Variants in RFLNA observed in about 807,000 individuals in gnomAD.
RFLNA encodes refilin-A.
A neutral mutation model predicts 7.8 loss-of-function variants in RFLNA; 5 were observed. The observed-to-expected ratio is 0.64, with a 90% CI of 0.34 to 1.35. The LOEUF (loss-of-function observed/expected upper bound fraction) is 1.35. Ranked by LOEUF, RFLNA falls within the 40% of genes most tolerant of loss-of-function variation. RFLNA has a pLI of 0.04. For synonymous variants in RFLNA, 141 were observed against 131.3 expected, an observed-to-expected ratio of 1.07 and a Z score of -0.50; for missense variants, 278 against 305.5, an observed-to-expected ratio of 0.91 and a Z score of 0.67.
chr12:124,294,236 A>G (rs1277464029), upstream of RFLNA, among the ~76,000 whole-genome samples: 1 of 152,174 alleles, frequency 6.6e-6, no homozygotes, highest in Admixed American at 6.5e-5. Flanking sequence ...GTGTCTGGGC[A>G]CACTTTCACC....
rs1204388364 is a variant in RFLNA at position 124,306,257 on chromosome 12, G to A, written c.208-5561G>A. Among the ~76,000 whole-genome samples, 1 of 152,178 alleles carries A rather than the reference G, an allele frequency of 6.6e-6. No homozygotes were observed. On this transcript the variant is annotated intron_variant, in intron 1 of 2. Transcript: ENST00000546355. The surrounding 1 kb of genome is among the most constrained non-coding windows in gnomAD (Gnocchi z 5.2). Reference sequence around the variant, plus strand: ...GTGACAGACACGCAAAGGGGTTATCGCGATGAAGGCCAGTAGATGGGTGCT... The same window carrying A: ...GTGACAGACACGCAAAGGGGTTATCACGATGAAGGCCAGTAGATGGGTGCT...
Position 124,295,525 on chromosome 12 carries a change from C to G in RFLNA, c.96C>G (p.Pro32=). 1 of 1,261,408 alleles carries G rather than the reference C, an allele frequency of 7.9e-7. No homozygotes were observed. The highest frequency in any genetic ancestry group is 1.0e-6 in the Non-Finnish European group (1 of 1,004,624). The allele number at this position is 1,261,408 out of a possible 1,614,324, so 78.1% of individuals were successfully genotyped here. A position where few individuals can be genotyped will look rare whatever the true frequency, so the allele number is the denominator to read the frequency against. ...ACAGCCCCGACTCCGGGCTGCCCCC[C>G]AGCCCCAGCCCCAGCCCGCCCTTCT... ...LLDSPDSGLP[P]SPSPSPPFYS... Residue 32 remains proline, a synonymous_variant, in exon 1 of 3, where the codon CCC becomes CCG. Transcript: ENST00000546355.
At chr12:124,302,146 C>A (rs1485871723) in intron 1 of RFLNA, among the ~76,000 whole-genome samples, 1 of 152,186 alleles carries the variant, frequency 6.6e-6, no homozygotes, top group Non-Finnish European at 1.5e-5. Flanking sequence ...TCTAATCTGA[C>A]CTCATCTTAA....
At chr12:124,301,420 A>G (rs1406886854) in intron 1 of RFLNA, among the ~76,000 whole-genome samples, 1 of 152,220 alleles carries the variant, frequency 6.6e-6, no homozygotes, top group Non-Finnish European at 1.5e-5. Flanking sequence ...ATGCTGCCAG[A>G]CAGACTGGGG....
At chr12:124,308,481 C>T (rs1299813181) in intron 1 of RFLNA, among the ~76,000 whole-genome samples, 1 of 152,248 alleles carries the variant, frequency 6.6e-6, no homozygotes, top group Non-Finnish European at 1.5e-5. Flanking sequence ...GGAAAGCCAC[C>T]TCTGGCCGTG....
At chr12:124,304,944 C>T (rs1012572138) in intron 1 of RFLNA, among the ~76,000 whole-genome samples, 1 of 152,198 alleles carries the variant, frequency 6.6e-6, no homozygotes, top group African/African-American at 2.4e-5. Flanking sequence ...AACACCTGCA[C>T]GCACTTGGGA....
chr12:124,307,444 G>C (rs1308690804), intron 1 of RFLNA, among the ~76,000 whole-genome samples: 4 of 152,226 alleles, frequency 2.6e-5, no homozygotes, highest in Non-Finnish European at 5.9e-5. Flanking sequence ...TGCTGAGGCA[G>C]TCACACTCCT....
intron 1 of RFLNA, among the ~76,000 whole-genome samples, chr12:124,310,711 T>C (rs905763503): frequency 1.3e-5 from 2 of 152,098 alleles, no homozygotes; most frequent in South Asian, 4.1e-4. Flanking sequence ...AGTGGAATTT[T>C]GGGACAGACT....
rs1283655756 is a variant in RFLNA, at chr12:124,315,646, TGGGGGAGCC to T, written c.*1122_*1130del. On this transcript the variant is annotated 3_prime_UTR_variant, in exon 3 of 3. Transcript: ENST00000546355. Reference sequence around the variant, plus strand: ...GAACAAGCCAGGATGCACGGGGAGCTGGGGGAGCCCCCAGCCTGGGGCAGCCCAGCAGGC... The same window carrying T: ...GAACAAGCCAGGATGCACGGGGAGCTCCCAGCCTGGGGCAGCCCAGCAGGC... The T allele has an allele frequency of 6.6e-6, 1 of 152,230 alleles. No homozygotes were observed. The highest frequency in any genetic ancestry group is 1.5e-5 in the Non-Finnish European group (1 of 68,090). The allele number at this position is 152,230 out of a possible 1,614,324, so 9.4% of individuals were successfully genotyped here.
chr12:124,312,223 G>A (rs900859931), intron 2 of RFLNA, among the ~76,000 whole-genome samples: 1 of 151,934 alleles, frequency 6.6e-6, no homozygotes, highest in African/African-American at 2.4e-5. Context: ...TCCTCCAAAA[G>A]GCTTTTATTT....
intron 1 of RFLNA, among the ~76,000 whole-genome samples, chr12:124,298,505 A>G (rs947533658): frequency 6.6e-6 from 1 of 152,012 alleles, no homozygotes; most frequent in Admixed American, 6.6e-5. Context: ...ATTCCCGATC[A>G]CTCCCAGGCC....
upstream of RFLNA, among the ~76,000 whole-genome samples, chr12:124,290,333 T>C (rs2033800786): frequency 6.6e-6 from 1 of 152,112 alleles, no homozygotes; most frequent in Non-Finnish European, 1.5e-5. The surrounding 1 kb of genome is among the most constrained non-coding windows in gnomAD (Gnocchi z 4.0). Context: ...TATGTGCATT[T>C]GCATATGTGT....
chr12:124,295,858 G>A (rs1427740689), intron 1 of RFLNA, among the ~76,000 whole-genome samples: 1 of 151,976 alleles, frequency 6.6e-6, no homozygotes, highest in Non-Finnish European at 1.5e-5. Context: ...GCTCCCTGGC[G>A]GTGGGCCTCC....
At chr12:124,302,495 A>G (rs1240166812) in intron 1 of RFLNA, among the ~76,000 whole-genome samples, 1 of 152,060 alleles carries the variant, frequency 6.6e-6, no homozygotes, top group African/African-American at 2.4e-5. Context: ...CCTTTCGATA[A>G]TCACATTCAG....
chr12:124,299,209 T>C (rs1383574842), intron 1 of RFLNA, among the ~76,000 whole-genome samples: 1 of 152,256 alleles, frequency 6.6e-6, no homozygotes, highest in Non-Finnish European at 1.5e-5. Flanking sequence ...AATGTGGCCA[T>C]TTTGCATCAG....
intron 1 of RFLNA, among the ~76,000 whole-genome samples, chr12:124,311,370 G>C (rs1331660431): frequency 9.4e-6 from 1 of 106,220 alleles, no homozygotes; most frequent in Admixed American, 8.3e-5. Flanking sequence ...AGGTGTGGTG[G>C]GGTCTCTACC....
At chr12:124,311,528 T>TGAGGTTGCAGTGAGAGGCCA in intron 1 of RFLNA, among the ~76,000 whole-genome samples, 1 of 152,126 alleles carries the variant, frequency 6.6e-6, no homozygotes, top group Non-Finnish European at 1.5e-5. Context: ...GGTGTGGCCT[T>TGAGGTTGCAGTGAGAGGCCA]GAGGTTGCAG....
In RFLNA at chr12:124,295,616, G is replaced by A. The variant is rs2033894625; in HGVS notation, c.187G>A (p.Gly63Arg). 2 of 1,235,864 alleles carry A rather than the reference G, an allele frequency of 1.6e-6. No individual in the cohort carries two copies. The highest frequency in any genetic ancestry group is 4.2e-5 in the Admixed American group (1 of 23,700). 76.6% of individuals were successfully genotyped at this position (1,235,864 alleles called of 1,614,324 possible). A position where few individuals can be genotyped will look rare whatever the true frequency, so the allele number is the denominator to read the frequency against. The change falls in exon 1 of 3, where the codon GGA becomes AGA. Residue 63 changes from glycine (G) to arginine (R), a missense_variant. Physicochemically the swap from Gly to Arg is moderately radical, Grantham distance 125. Coordinates refer to ENST00000546355, the MANE Select transcript of RFLNA (RefSeq NM_001365156.1). ...GGAGASSEPP[G>R]PSEARAPPSQ... ...CGCCGGCGCCTCCTCGGAGCCCCCGGGACCCAGCGAGGCCAGAGCGGTAAG... is the reference window on the plus strand; with the variant it reads ...CGCCGGCGCCTCCTCGGAGCCCCCGAGACCCAGCGAGGCCAGAGCGGTAAG...
upstream of RFLNA, among the ~76,000 whole-genome samples, chr12:124,294,962 C>T (rs974037361): frequency 6.6e-6 from 1 of 152,122 alleles, no homozygotes; most frequent in Non-Finnish European, 1.5e-5. Context: ...GCTGGGCGCG[C>T]AGTGCCCAGG....
Sources: gnomAD v4.1 joint callset for allele counts (sites outside exome capture counted in the v4.1 genomes callset) on GRCh38, gnomAD v4.1.1 for gene constraint, Gnocchi (gnomAD v3.1) non-coding constraint, MANE v1.5 for transcripts, NCBI Gene and HGNC (gene_info 2026-07-23, HGNC 2026-07-21) for gene names.